ATP6V1A: variants seen among roughly 807,000 people sequenced by gnomAD.
ATP6V1A encodes V-type proton ATPase catalytic subunit A.
ATP6V1A carries 18 observed loss-of-function variants against 70.1 expected under a neutral mutation model. That is an observed-to-expected ratio of 0.26 (90% confidence interval 0.18 to 0.38). The LOEUF (loss-of-function observed/expected upper bound fraction) is 0.38. Ranked by LOEUF, ATP6V1A falls within the 10% of genes least tolerant of loss-of-function variation. The pLI, the probability that ATP6V1A is intolerant of heterozygous loss-of-function variation, is 1.00. For synonymous variants in ATP6V1A, 232 were observed against 253.8 expected, an observed-to-expected ratio of 0.91 and a Z score of 0.82; for missense variants, 424 against 772.4, an observed-to-expected ratio of 0.55 and a Z score of 5.35.
chr3:113,784,534 G>A (rs1709016791), intron 4 of ATP6V1A, 96 bp downstream of exon 4: 9 of 1,388,576 alleles, frequency 6.5e-6, no homozygotes, highest in Non-Finnish European at 7.8e-6. Context: ...AATAAAAATA[G>A]ACTACAGAAG....
intron 1 of ATP6V1A, among the ~76,000 whole-genome samples, chr3:113,749,365 G>A (rs756805091): frequency 2.0e-5 from 3 of 151,320 alleles, no homozygotes; most frequent in Non-Finnish European, 2.9e-5. Flanking sequence ...AGTGTTACAT[G>A]TAGAAATCTT....
intron 14 of ATP6V1A, among the ~76,000 whole-genome samples, chr3:113,806,190 C>T (rs972389493): frequency 3.3e-5 from 5 of 152,020 alleles, no homozygotes; most frequent in African/African-American, 1.2e-4. Context: ...AAGGCTGCTG[C>T]AGTGTGCCAT....
intron 1 of ATP6V1A, among the ~76,000 whole-genome samples, chr3:113,778,225 C>A (rs912840789): frequency 5.9e-5 from 9 of 152,036 alleles, no homozygotes; most frequent in African/African-American, 1.7e-4. Flanking sequence ...AAAACCCTGT[C>A]TCTACTAAAA....
At chr3:113,792,708 CA>C (rs1239729182) in intron 8 of ATP6V1A, among the ~76,000 whole-genome samples, 1 of 152,192 alleles carries the variant, frequency 6.6e-6, no homozygotes, top group East Asian at 1.9e-4. Flanking sequence ...TATTATTTTA[CA>C]TTCTGATAGC....
At chr3:113,805,056 G>T (rs1477466434) in intron 13 of ATP6V1A, among the ~76,000 whole-genome samples, 1 of 152,110 alleles carries the variant, frequency 6.6e-6, no homozygotes, top group Non-Finnish European at 1.5e-5. Context: ...TAGTAATACT[G>T]TTTCATTGTT....
In ATP6V1A at chr3:113,763,452, G is replaced by A. The variant is rs111491180; in HGVS notation, c.-13-15289G>A. On this transcript the variant is annotated intron_variant, in intron 1 of 14. Transcript: ENST00000273398. ...TGCTTTAAATCTGCAGTGATCCAAA[G>A]TATTAGGTAATAATTTTTAATTGTG... is the stretch of plus-strand genomic sequence containing the variant. 9.5e-3 allele frequency among the ~76,000 whole-genome samples: 1,445 copies of A among 152,284 alleles called. 19 individuals carry two copies. The highest frequency in any genetic ancestry group is 0.032 in the African/African-American group (1,345 of 41,550).
intron 1 of ATP6V1A, among the ~76,000 whole-genome samples, chr3:113,747,888 G>C (rs1708541414): frequency 6.6e-6 from 1 of 152,090 alleles, no homozygotes; most frequent in African/African-American, 2.4e-5. Context: ...GAGTGAGTAG[G>C]GTTCCCTGAA....
chr3:113,754,158 T>G (rs954883077), intron 1 of ATP6V1A, among the ~76,000 whole-genome samples: 5 of 152,206 alleles, frequency 3.3e-5, no homozygotes, highest in African/African-American at 1.2e-4. Flanking sequence ...GGCACTAAGA[T>G]GATTTACTTT....
chr3:113,783,620 G>A lies in ATP6V1A; in HGVS notation c.212-604G>A, dbSNP rs140481836. On this transcript the variant is annotated intron_variant, in intron 3 of 14. Transcript: ENST00000273398. ...TTCTGAGAAGCTGCAGCAAACTCAT[G>A]TGGTGCCAGGATATTTAAAATTTTT... Among the ~76,000 whole-genome samples the A allele has an allele frequency of 9.8e-3, 1,498 of 152,310 alleles. 23 individuals carry two copies. The highest frequency in any genetic ancestry group is 0.063 in the South Asian group (306 of 4,832).
chr3:113,802,308 A>G (rs1709222146), intron 12 of ATP6V1A, among the ~76,000 whole-genome samples: 2 of 152,162 alleles, frequency 1.3e-5, no homozygotes, highest in South Asian at 2.1e-4. Flanking sequence ...GTATTTCAAG[A>G]AAAGAACATC....
chr3:113,795,201 G>C lies in ATP6V1A; in HGVS notation c.1223G>C (p.Gly408Ala). The change falls in exon 10 of 15, where the codon GGA becomes GCA. Residue 408 changes from glycine (G) to alanine (A), a missense_variant. Around this residue, in one of 9 missense-constraint regions of ATP6V1A, gnomAD observed 58 missense variants for 181.5 expected, o/e 0.32. Coordinates refer to ENST00000273398, the MANE Select transcript of ATP6V1A (RefSeq NM_001690.4). ...PEREGSVSIV[G>A]AVSPPGGDFS... Reference sequence around the variant, plus strand: ...AGAGAAGGGAGTGTCAGCATTGTAGGAGCGTAAGCACCCACACTATTTACT... The same window carrying C: ...AGAGAAGGGAGTGTCAGCATTGTAGCAGCGTAAGCACCCACACTATTTACT... The C allele has an allele frequency of 6.2e-7, 1 of 1,613,934 alleles. No homozygotes were observed. Among genetic ancestry groups the C allele is most frequent in the Non-Finnish European group, 8.5e-7 (1 of 1,179,896 alleles).
At chr3:113,797,931 G>T (rs1002340364) in intron 11 of ATP6V1A, among the ~76,000 whole-genome samples, 4 of 152,040 alleles carry the variant, frequency 2.6e-5, no homozygotes. Context: ...TCAGGAGTTC[G>T]AGACAAGCCT....
intron 12 of ATP6V1A, chr3:113,803,320 C>A: frequency 3.5e-6 from 1 of 282,350 alleles, no homozygotes; most frequent in Non-Finnish European, 6.6e-6. Context: ...GATGGAAAAG[C>A]TCTAGAGATT....
At chr3:113,802,584 C>T (rs1271019969) in intron 12 of ATP6V1A, among the ~76,000 whole-genome samples, 3 of 152,186 alleles carry the variant, frequency 2.0e-5, no homozygotes, top group Non-Finnish European at 4.4e-5. Context: ...ACCTTGGCCT[C>T]CCAAAGTGCT....
At chr3:113,778,655 G>A (rs749809204) in intron 1 of ATP6V1A, 86 bp from the exon 2 acceptor site, 146 of 595,402 alleles carry the variant, frequency 2.5e-4, no homozygotes, top group Non-Finnish European at 3.4e-4. Context: ...GATGAGAGTG[G>A]TCTCATCTTA....
In ATP6V1A at chr3:113,788,489, A is replaced by G. The variant is rs561579505; in HGVS notation, c.717-224A>G. Reference sequence around the variant, plus strand: ...AGCTGGGATTACAGGCACCCACCACATGCCCGGCTAATTTTTCTTTTTTTT... The same window carrying G: ...AGCTGGGATTACAGGCACCCACCACGTGCCCGGCTAATTTTTCTTTTTTTT... On this transcript the variant is annotated intron_variant, in intron 6 of 14. Transcript: ENST00000273398. Among the ~76,000 whole-genome samples, 9 of 148,904 alleles carry G rather than the reference A, an allele frequency of 6.0e-5. No homozygotes were observed. In the East Asian group the frequency reaches 1.6e-3, roughly 26 times the overall value.
chr3:113,809,385 T>A lies in ATP6V1A; in HGVS notation c.1812T>A (p.Leu604=), dbSNP rs774413730. The A allele has an allele frequency of 6.2e-7, 1 of 1,613,972 alleles. No individual in the cohort carries two copies. Residue 604 remains leucine (L), a synonymous_variant, in exon 15 of 15, where the codon CTT becomes CTA. Coordinates refer to ENST00000273398, the MANE Select transcript of ATP6V1A (RefSeq NM_001690.4). ...EAKIKSDYAQ[L]LEDMQNAFRS... ...AGATCAAAAGCGACTATGCACAACT[T>A]CTTGAAGACATGCAGAATGCATTCC...
intron 1 of ATP6V1A, among the ~76,000 whole-genome samples, chr3:113,756,652 G>T (rs1708649706): frequency 6.6e-6 from 1 of 152,144 alleles, no homozygotes; most frequent in African/African-American, 2.4e-5. Flanking sequence ...TCAAATAACA[G>T]TAAGTATTTT....
chr3:113,805,304 C>T (rs1479026646), intron 13 of ATP6V1A, 50 bp from the exon 14 acceptor site: 9 of 1,546,128 alleles, frequency 5.8e-6, no homozygotes, highest in Non-Finnish European at 2.7e-6. Context: ...AAGTATGAAC[C>T]TGTTTTGGAG....
Sources: gnomAD v4.1 joint callset for allele counts (sites outside exome capture counted in the v4.1 genomes callset) on GRCh38, gnomAD v4.1.1 for gene constraint, gnomAD v4.1.1 regional missense constraint, MANE v1.5 for transcripts, NCBI Gene and HGNC (gene_info 2026-07-23, HGNC 2026-07-21) for gene names.